ZNF609: variants seen among roughly 807,000 people sequenced by gnomAD.
ZNF609 encodes the protein zinc finger protein 609.
ZNF609 carries 11 observed loss-of-function variants against 109.5 expected under a neutral mutation model. The observed-to-expected ratio is 0.10, with a 90% CI of 0.06 to 0.17. The LOEUF (loss-of-function observed/expected upper bound fraction) is 0.17. Among genes scored for constraint, ZNF609 ranks in the 10% least tolerant of loss-of-function variants. The pLI, the probability that ZNF609 is intolerant of heterozygous loss-of-function variation, is 1.00. For synonymous variants in ZNF609, 646 were observed against 662.0 expected (o/e 0.98, Z 0.37); for missense variants, 1,559 against 1,772.4 (o/e 0.88, Z 2.16).
intron 3 of ZNF609, among the ~76,000 whole-genome samples, chr15:64,633,026 G>A (rs770319528): frequency 1.1e-4 from 17 of 150,664 alleles, no homozygotes; most frequent in Admixed American, 6.6e-4. Flanking sequence ...TCTAGCAATC[G>A]TCCTGCCTCA....
At chr15:64,527,343 A>C (rs1254887351) in intron 2 of ZNF609, among the ~76,000 whole-genome samples, 1 of 147,100 alleles carries the variant, frequency 6.8e-6, no homozygotes, top group African/African-American at 2.5e-5. Context: ...GATGGAGGTG[A>C]TGGGCATATT....
chr15:64,473,765 C>G lies in ZNF609; in HGVS notation c.-128+12927C>G, dbSNP rs186440165. ...CGATTACAGGTGCATTTCACTACGC[C>G]CAGCTAATTTTTGTATTTTTTTGAG... On this transcript the variant is annotated intron_variant, in intron 1 of 9. Transcript: ENST00000326648. Among the ~76,000 whole-genome samples the G allele has an allele frequency of 4.5e-3, 690 of 151,956 alleles. 2 individuals are homozygous for G. Among genetic ancestry groups the G allele is most frequent in the Non-Finnish European group, 7.0e-3 (475 of 67,960 alleles).
chr15:64,650,616 G>A (rs2140997109), intron 3 of ZNF609, among the ~76,000 whole-genome samples: 1 of 152,230 alleles, frequency 6.6e-6, no homozygotes, highest in South Asian at 2.1e-4. Context: ...TAGCAGGGCA[G>A]CCAGTGAATC....
chr15:64,577,085 C>CACATAAAT, intron 2 of ZNF609, among the ~76,000 whole-genome samples: 1 of 55,718 alleles, frequency 1.8e-5, no homozygotes, highest in Non-Finnish European at 4.5e-5. Context: ...CAAATATATA[C>CACATAAAT]ATATATGTAT....
At chr15:64,588,234 G>T (rs1409507099) in intron 2 of ZNF609, among the ~76,000 whole-genome samples, 2 of 139,966 alleles carry the variant, frequency 1.4e-5, no homozygotes, top group East Asian at 4.6e-4. Flanking sequence ...TGAGACCACG[G>T]TGAAACCCCC....
intron 1 of ZNF609, among the ~76,000 whole-genome samples, chr15:64,489,258 T>G (rs1434209146): frequency 2.0e-5 from 3 of 151,980 alleles, no homozygotes; most frequent in East Asian, 3.9e-4. Flanking sequence ...CGATCTTGGC[T>G]CACTGCAACC....
chr15:64,656,146 C>T (rs969375763), intron 3 of ZNF609, among the ~76,000 whole-genome samples: 1 of 152,090 alleles, frequency 6.6e-6, no homozygotes, highest in African/African-American at 2.4e-5. Flanking sequence ...CCACTGCAAC[C>T]TCCGCCTCCC....
intron 2 of ZNF609, among the ~76,000 whole-genome samples, chr15:64,516,460 G>T (rs1199887293): frequency 6.6e-6 from 1 of 152,078 alleles, no homozygotes; most frequent in Admixed American, 6.5e-5. Flanking sequence ...CAAGCTCTCC[G>T]CCTCCTGAGT....
At chr15:64,605,604 A>G (rs1895581521) in intron 2 of ZNF609, among the ~76,000 whole-genome samples, 1 of 152,226 alleles carries the variant, frequency 6.6e-6, no homozygotes, top group African/African-American at 2.4e-5. Context: ...CAATGACCTT[A>G]TGAAATATAG....
chr15:64,665,684 C>G lies in ZNF609; in HGVS notation c.974-4662C>G, dbSNP rs186896847. On this transcript the variant is annotated intron_variant, in intron 3 of 9. Transcript: ENST00000326648. ...CAGCACTTTGGAAGGCCGAGGCAGG[C>G]AGATCACCTGAGGTCAGGAGTTTGA... 1.5e-3 allele frequency among the ~76,000 whole-genome samples: 224 copies of G among 152,222 alleles called. 2 individuals carry two copies. The highest frequency in any genetic ancestry group is 5.2e-3 in the African/African-American group (215 of 41,534).
chr15:64,518,609 G>A (rs1893847924), intron 2 of ZNF609, among the ~76,000 whole-genome samples: 1 of 152,180 alleles, frequency 6.6e-6, no homozygotes, highest in African/African-American at 2.4e-5. Flanking sequence ...AGAGTGGATT[G>A]GAGAACAAGA....
At chr15:64,488,483 T>TG (rs1893361938) in intron 1 of ZNF609, among the ~76,000 whole-genome samples, 1 of 152,136 alleles carries the variant, frequency 6.6e-6, no homozygotes, top group Admixed American at 6.6e-5. Flanking sequence ...AGGAAACAAA[T>TG]GTGACATCCT....
chr15:64,462,246 C>T (rs535727595), intron 1 of ZNF609, among the ~76,000 whole-genome samples: 2 of 152,180 alleles, frequency 1.3e-5, no homozygotes, highest in Non-Finnish European at 2.9e-5. Context: ...ATAAGGGATG[C>T]CAGCCATGTT....
chr15:64,560,297 C>T (rs1409407608), intron 2 of ZNF609, among the ~76,000 whole-genome samples: 3 of 152,010 alleles, frequency 2.0e-5, no homozygotes, highest in African/African-American at 4.8e-5. Flanking sequence ...CTGCCCGCCT[C>T]GGCCTCCCAA....
chr15:64,479,368 T>C (rs544103129), intron 1 of ZNF609, among the ~76,000 whole-genome samples: 1 of 132,144 alleles, frequency 7.6e-6, no homozygotes, highest in South Asian at 2.4e-4. Context: ...CTCGGCTCAC[T>C]GCAAGCTCTG....
At chr15:64,582,003 T>G (rs1895111711) in intron 2 of ZNF609, among the ~76,000 whole-genome samples, 1 of 152,160 alleles carries the variant, frequency 6.6e-6, no homozygotes, top group African/African-American at 2.4e-5. Context: ...CTTGGTAAAT[T>G]CTATGTCCAT....
chr15:64,528,843 C>T, intron 2 of ZNF609: 4 of 851,130 alleles, frequency 4.7e-6, no homozygotes, highest in South Asian at 4.1e-5. Flanking sequence ...ATCTGGTGCT[C>T]ATTGTAGCCC....
chr15:64,526,079 C>G (rs1040878909), intron 2 of ZNF609, among the ~76,000 whole-genome samples: 1 of 151,170 alleles, frequency 6.6e-6, no homozygotes, highest in Non-Finnish European at 1.5e-5. Flanking sequence ...CATGAGCTAC[C>G]ACGCTCAGCC....
chr15:64,615,488 CTT>C (rs11294961), intron 2 of ZNF609, among the ~76,000 whole-genome samples: 27 of 138,974 alleles, frequency 1.9e-4, no homozygotes, highest in Admixed American at 5.1e-4. Context: ...TGATGACATC[CTT>C]TTTTTTTTTT....
Sources: gnomAD v4.1 joint callset for allele counts (sites outside exome capture counted in the v4.1 genomes callset) on GRCh38, gnomAD v4.1.1 for gene constraint, MANE v1.5 for transcripts, NCBI Gene and HGNC (gene_info 2026-07-23, HGNC 2026-07-21) for gene names.